The following YWHAE variants were observed in gnomAD, a reference collection of about 807,000 sequenced individuals.
YWHAE encodes the protein tyrosine 3-monooxygenase/tryptophan 5-monooxygenase activation protein epsilon.
YWHAE carries 4 observed loss-of-function variants against 30.1 expected under a neutral mutation model. That is an observed-to-expected ratio of 0.13 (90% CI 0.07 to 0.30). The LOEUF is 0.30. Among genes scored for constraint, YWHAE ranks in the 10% least tolerant of loss-of-function variants. The pLI, the probability that YWHAE is intolerant of heterozygous loss-of-function variation, is 1.00. For missense variants in YWHAE, 121 were observed against 315.9 expected (o/e 0.38, Z 4.68); for synonymous variants, 118 against 111.8 (o/e 1.06, Z -0.35).
chr17:1,394,276 C>T (rs1041050973), intron 1 of YWHAE, among the ~76,000 whole-genome samples: 1 of 151,870 alleles, frequency 6.6e-6, no homozygotes, highest in East Asian at 1.9e-4. Flanking sequence ...CTTTTGTCAA[C>T]GTGGGCTGTG....
At chr17:1,398,337 C>CCT (rs1555648157) in intron 1 of YWHAE, among the ~76,000 whole-genome samples, 1 of 90,544 alleles carries the variant, frequency 1.1e-5, no homozygotes, top group African/African-American at 6.6e-5. Flanking sequence ...CATCTTATCC[C>CCT]CCCCCCCAAC....
intron 1 of YWHAE, among the ~76,000 whole-genome samples, chr17:1,395,986 C>T (rs1470935502): frequency 6.6e-6 from 1 of 151,892 alleles, no homozygotes; most frequent in Admixed American, 6.6e-5. Flanking sequence ...GGCATAGTGG[C>T]GGATGCCTGT....
At chr17:1,348,384 G>A (rs2072561299) in intron 5 of YWHAE, among the ~76,000 whole-genome samples, 1 of 152,234 alleles carries the variant, frequency 6.6e-6, no homozygotes, top group South Asian at 2.1e-4. Context: ...TTGAGAAAAA[G>A]CAATGATCCC....
intron 1 of YWHAE, among the ~76,000 whole-genome samples, chr17:1,381,945 A>T (rs1288913073): frequency 1.3e-5 from 2 of 151,194 alleles, no homozygotes; most frequent in African/African-American, 4.9e-5. Context: ...ACAGGCAGAC[A>T]GAAAAGGAAA....
intron 4 of YWHAE, among the ~76,000 whole-genome samples, chr17:1,355,955 T>TA (rs1433932092): frequency 6.6e-6 from 1 of 151,606 alleles, no homozygotes; most frequent in Admixed American, 6.6e-5. Flanking sequence ...GATCACGTGG[T>TA]TAGGAGATCG....
intron 1 of YWHAE, among the ~76,000 whole-genome samples, chr17:1,380,677 G>A (rs1411728188): frequency 6.6e-6 from 1 of 152,186 alleles, no homozygotes; most frequent in Non-Finnish European, 1.5e-5. Context: ...GTAGGAAAGA[G>A]CTAAATAAAG....
At chr17:1,375,495 C>A (rs1598256547) in intron 1 of YWHAE, among the ~76,000 whole-genome samples, 1 of 152,100 alleles carries the variant, frequency 6.6e-6, no homozygotes, top group Non-Finnish European at 1.5e-5. Flanking sequence ...AATTTAAGAA[C>A]CAAAAAACTG....
intron 5 of YWHAE, among the ~76,000 whole-genome samples, chr17:1,347,654 AG>A (rs939702155): frequency 1.3e-5 from 2 of 152,350 alleles, no homozygotes; most frequent in Admixed American, 1.3e-4. Flanking sequence ...GAAACATGAT[AG>A]GAACATTCAC....
At chr17:1,383,577 T>G (rs1598264205) in intron 1 of YWHAE, among the ~76,000 whole-genome samples, 2 of 150,524 alleles carry the variant, frequency 1.3e-5, no homozygotes, top group African/African-American at 4.9e-5. Flanking sequence ...TTAGTAGAGA[T>G]GGGTTTCGCC....
chr17:1,382,554 G>T (rs2073230299), intron 1 of YWHAE, among the ~76,000 whole-genome samples: 1 of 149,612 alleles, frequency 6.7e-6, no homozygotes, highest in Non-Finnish European at 1.5e-5. Flanking sequence ...TAGAGACGGG[G>T]TTTCACTATG....
intron 1 of YWHAE, among the ~76,000 whole-genome samples, chr17:1,374,941 G>A (rs921575128): frequency 1.3e-5 from 2 of 152,026 alleles, no homozygotes; most frequent in Non-Finnish European, 2.9e-5. Flanking sequence ...GTCTCACTAC[G>A]TTGCCCTGAC....
intron 1 of YWHAE, among the ~76,000 whole-genome samples, chr17:1,396,810 C>A (rs190910579): frequency 1.2e-3 from 190 of 152,142 alleles, no homozygotes; most frequent in African/African-American, 4.2e-3. Flanking sequence ...TTACTACAGA[C>A]GGGGTTTCTC....
At chr17:1,355,866 T>G (rs1461165860) in intron 4 of YWHAE, among the ~76,000 whole-genome samples, 2 of 151,970 alleles carry the variant, frequency 1.3e-5, no homozygotes, top group Non-Finnish European at 2.9e-5. Context: ...TGGCAAAACC[T>G]ATTAAAAACA....
At chr17:1,361,339 ACT>A in intron 3 of YWHAE, 41 bp from the exon 4 acceptor site, 1 of 1,477,178 alleles carries the variant, frequency 6.8e-7, no homozygotes, top group Non-Finnish European at 9.2e-7. Context: ...AAAAATTTAA[ACT>A]AGGAACGATT....
At chr17:1,388,109 TTTTGGTTGG>T (rs1486395042) in intron 1 of YWHAE, among the ~76,000 whole-genome samples, 471 of 46,732 alleles carry the variant, frequency 0.01, 75 homozygotes, top group African/African-American at 0.046. Context: ...TTGTTTTTTT[TTTTGGTTGG>T]TTTTTTTTTT....
intron 4 of YWHAE, among the ~76,000 whole-genome samples, chr17:1,358,064 A>C (rs1368026857): frequency 3.3e-5 from 5 of 152,008 alleles, no homozygotes; most frequent in African/African-American, 9.7e-5. Flanking sequence ...AACTCTCAAC[A>C]CTTAACAAAC....
intron 1 of YWHAE, among the ~76,000 whole-genome samples, chr17:1,369,417 C>A (rs942386139): frequency 2.6e-5 from 4 of 152,156 alleles, no homozygotes; most frequent in African/African-American, 9.7e-5. Context: ...TTGCTTGAAC[C>A]CGGGAGGCGG....
rs2073042088 is a variant in YWHAE at position 1,371,507 on chromosome 17, C to G, written c.65-6449G>C. ...TGCTGTAAACATAAGTGCTGTCTTACAGGCTTTGCTGTTCCATTTATAAAC... is the reference window on the plus strand; with the variant it reads ...TGCTGTAAACATAAGTGCTGTCTTAGAGGCTTTGCTGTTCCATTTATAAAC... On this transcript the variant is annotated intron_variant, in intron 1 of 5. Coordinates refer to ENST00000264335, the MANE Select transcript of YWHAE (RefSeq NM_006761.5). Among the ~76,000 whole-genome samples the G allele has an allele frequency of 3.3e-5, 5 of 152,200 alleles. No individual in the cohort carries two copies. The South Asian group carries it at 1.0e-3, about 32-fold the overall frequency.
rs766075336 is a variant in YWHAE, at chr17:1,400,128, C to T, written c.-18G>A. ...TCATCCATAGCGGCAGCGGCTCCGG[C>T]AGGGTCTGCGCGACGGATGGAAGCG... is the stretch of plus-strand genomic sequence containing the variant. On this transcript the variant is annotated 5_prime_UTR_variant, in exon 1 of 6. Coordinates refer to ENST00000264335, the MANE Select transcript of YWHAE (RefSeq NM_006761.5). The T allele has an allele frequency of 6.2e-7, 1 of 1,614,060 alleles. No homozygotes were observed. The highest frequency in any genetic ancestry group is 1.1e-5 in the South Asian group (1 of 91,086).
Sources: gnomAD v4.1 joint callset for allele counts (sites outside exome capture counted in the v4.1 genomes callset) on GRCh38, gnomAD v4.1.1 for gene constraint, MANE v1.5 for transcripts, NCBI Gene and HGNC (gene_info 2026-07-23, HGNC 2026-07-21) for gene names.